BBS4: variants seen among roughly 807,000 people sequenced by gnomAD.
The protein encoded by BBS4 is Bardet-Biedl syndrome 4.
BBS4 carries 58 observed loss-of-function variants against 71.4 expected under a neutral mutation model. The ratio of observed to expected loss-of-function variants is 0.81; its 90% confidence interval spans 0.66 to 1.01. The LOEUF is 1.01. Among genes scored for constraint, BBS4 ranks in the 50% least tolerant of loss-of-function variants. BBS4 has a pLI of 0.00. For missense variants in BBS4, 660 were observed against 607.9 expected (o/e 1.09, Z -0.90); for synonymous variants, 228 against 216.8 (o/e 1.05, Z -0.46).
In BBS4 at chr15:72,734,966, G is replaced by A; in HGVS notation, c.1037-147G>A. 3 of 681,454 alleles carry A rather than the reference G, an allele frequency of 4.4e-6. No homozygotes were observed. In the Admixed American group the frequency reaches 6.2e-5, roughly 14 times the overall value. The allele number at this position is 681,454 out of a possible 1,614,324, so 42.2% of individuals were successfully genotyped here. On this transcript the variant is annotated intron_variant, in intron 12 of 15. Coordinates refer to ENST00000268057, the MANE Select transcript of BBS4 (RefSeq NM_033028.5). ...CAACTGATTGACTGTAGAAGAGATG[G>A]TTGAAGATAGCACCAGGTATCTAAG... is the stretch of plus-strand genomic sequence containing the variant.
chr15:72,731,402 C>T lies in BBS4; in HGVS notation c.809C>T (p.Pro270Leu). ...GTGGCTTGTGCTGTTCCAGAAAGTC[C>T]TCCACTCTGGAATAACATTGGAATG... ...RVVACAVPES[P>L]PLWNNIGMCF... Residue 270 changes from proline to leucine, a missense_variant, in exon 11 of 16, where the codon CCT becomes CTT. Physicochemically the swap from Pro to Leu is moderately conservative, Grantham distance 98. Transcript: ENST00000268057. 6.2e-7 allele frequency: 1 copy of T among 1,614,144 alleles called. No individual in the cohort carries two copies. Among genetic ancestry groups the T allele is most frequent in the South Asian group, 1.1e-5 (1 of 91,080 alleles).
chr15:72,688,263 A>G (rs1026011856), intron 1 of BBS4, among the ~76,000 whole-genome samples: 1 of 152,016 alleles, frequency 6.6e-6, no homozygotes, highest in African/African-American at 2.4e-5. Context: ...TTGTTTCGAT[A>G]TGACTTAGCA....
chr15:72,691,598 T>TAGTAA (rs1450282602), intron 1 of BBS4, among the ~76,000 whole-genome samples: 1 of 152,220 alleles, frequency 6.6e-6, no homozygotes, highest in East Asian at 1.9e-4. Flanking sequence ...TATCTTATTG[T>TAGTAA]AGTAAAGTAT....
chr15:72,737,017 T>C (rs2065939828), intron 15 of BBS4, 54 bp downstream of exon 15: 1 of 1,574,896 alleles, frequency 6.3e-7, no homozygotes, highest in Admixed American at 1.7e-5. Context: ...CACATGTGTC[T>C]GTCAGCAGAG....
At chr15:72,697,837 G>T (rs1449491504) in intron 2 of BBS4, among the ~76,000 whole-genome samples, 1 of 152,134 alleles carries the variant, frequency 6.6e-6, no homozygotes, top group Non-Finnish European at 1.5e-5. Flanking sequence ...GGGATAAACA[G>T]ATTTCTGTTT....
At position 72,737,993 on chromosome 15, in the gene BBS4, C is replaced by T. The variant is rs1182135234; in HGVS notation, c.*406C>T. Reference sequence around the variant, plus strand: ...CTGAGTAGCTCTGTGATGACAAAGCCTTGGTTTAACTGAGGTGATCCTCAG... The same window carrying T: ...CTGAGTAGCTCTGTGATGACAAAGCTTTGGTTTAACTGAGGTGATCCTCAG... On this transcript the variant is annotated 3_prime_UTR_variant, in exon 16 of 16. Coordinates refer to ENST00000268057, the MANE Select transcript of BBS4 (RefSeq NM_033028.5). 8.8e-6 allele frequency: 4 copies of T among 454,236 alleles called. No homozygotes were observed. The highest frequency in any genetic ancestry group is 1.8e-5 in the Non-Finnish European group (4 of 226,984). 28.1% of individuals were successfully genotyped at this position (454,236 alleles called of 1,614,324 possible).
At chr15:72,712,566 A>G (rs1295637724) in intron 4 of BBS4, among the ~76,000 whole-genome samples, 1 of 152,254 alleles carries the variant, frequency 6.6e-6, no homozygotes, top group Non-Finnish European at 1.5e-5. Context: ...ACAAACCTGT[A>G]TGAGCAGGTG....
Position 72,731,546 on chromosome 15 carries a change from C to G in BBS4, c.865-9C>G, listed in dbSNP as rs1413197400. 3 of 1,614,088 alleles carry G rather than the reference C, an allele frequency of 1.9e-6. No homozygotes were observed. The African/African-American group carries it at 4.0e-5, about 22-fold the overall frequency. ...GCCCTTCTCATTGAGTGCCCCTTCT[C>G]TCTCATAGGCCATCAGCTGCCTGAA... On this transcript the variant is annotated splice_polypyrimidine_tract_variant and intron_variant, in intron 11 of 15. Coordinates refer to ENST00000268057, the MANE Select transcript of BBS4 (RefSeq NM_033028.5).
At chr15:72,719,144 G>A (rs561692999) in intron 6 of BBS4, among the ~76,000 whole-genome samples, 5 of 151,990 alleles carry the variant, frequency 3.3e-5, no homozygotes, top group Admixed American at 2.6e-4. Context: ...TCTCTATGGG[G>A]GCCAGGATCA....
chr15:72,728,956 T>C (rs1036260959), intron 9 of BBS4, among the ~76,000 whole-genome samples: 1 of 152,294 alleles, frequency 6.6e-6, no homozygotes, highest in African/African-American at 2.4e-5. Context: ...GGCTTTGGCT[T>C]GGGAGGTTGG....
At chr15:72,725,227 A>G (rs1220727487) in intron 8 of BBS4, among the ~76,000 whole-genome samples, 1 of 151,778 alleles carries the variant, frequency 6.6e-6, no homozygotes, top group Non-Finnish European at 1.5e-5. Flanking sequence ...TGCCCAGCTA[A>G]TTTAAAAAAA....
intron 2 of BBS4, among the ~76,000 whole-genome samples, chr15:72,706,394 C>G (rs1012945295): frequency 2.0e-5 from 3 of 152,102 alleles, no homozygotes; most frequent in African/African-American, 7.2e-5. Context: ...CGTGGACCTC[C>G]CAAAATGCTA....
At chr15:72,704,359 T>A (rs2065226811) in intron 2 of BBS4, 2 of 979,652 alleles carry the variant, frequency 2.0e-6, no homozygotes, top group South Asian at 2.7e-5. Context: ...TTGTGGAGGA[T>A]CTTTCAACTA....
intron 2 of BBS4, among the ~76,000 whole-genome samples, chr15:72,708,064 T>G (rs1466323066): frequency 6.6e-6 from 1 of 152,064 alleles, no homozygotes; most frequent in Non-Finnish European, 1.5e-5. Flanking sequence ...TCTCCCAGGT[T>G]CAAGTGATGC....
At position 72,737,505 on chromosome 15, in the gene BBS4, AG is replaced by A. The variant is rs1455853926; in HGVS notation, c.1479del (p.Lys493AsnfsTer24). 1 of 1,612,982 alleles carries A rather than the reference AG, an allele frequency of 6.2e-7. No homozygotes were observed. Among genetic ancestry groups the A allele is most frequent in the African/African-American group, 1.3e-5 (1 of 74,916 alleles). Reference sequence around the variant, plus strand: ...GCTGGAGGAACATCCCAGTTCACAAAGCCCCCATCTCTTCCTCTGGAGCCAG... The same window carrying A: ...GCTGGAGGAACATCCCAGTTCACAAACCCCCATCTCTTCCTCTGGAGCCAG... ...SGAGGTSQFT[K>X]PPSLPLEPEP... On this transcript the variant is annotated frameshift_variant, in exon 16 of 16. Coordinates refer to ENST00000268057, the MANE Select transcript of BBS4 (RefSeq NM_033028.5). LOFTEE classifies it high-confidence loss of function.
Position 72,702,831 on chromosome 15 carries a change from G to A in BBS4, c.77-6869G>A, listed in dbSNP as rs1397226931. ...TTTTTTTTTTTTTTTTTTTTGAGAC[G>A]GAGTCTCGCTCTGTCGCCCAGGCTG... On this transcript the variant is annotated intron_variant, in intron 2 of 15. Coordinates refer to ENST00000268057, the MANE Select transcript of BBS4 (RefSeq NM_033028.5). Among the ~76,000 whole-genome samples the A allele has an allele frequency of 1.9e-4, 6 of 31,840 alleles. No homozygotes were observed. In the South Asian group the frequency reaches 5.5e-3, roughly 29 times the overall value. The allele number at this position is 31,840 out of a possible 152,430, so 20.9% of individuals were successfully genotyped here. A position where few individuals can be genotyped will look rare whatever the true frequency, so the allele number is the denominator to read the frequency against.
chr15:72,722,415 G>T (rs905853171), intron 6 of BBS4, among the ~76,000 whole-genome samples: 6 of 152,226 alleles, frequency 3.9e-5, no homozygotes, highest in Non-Finnish European at 7.3e-5. Flanking sequence ...GGGCGGAAAT[G>T]TGTGGCTAGC....
intron 8 of BBS4, 147 bp from the exon 9 acceptor site, chr15:72,727,793 A>G (rs1322816243): frequency 7.3e-6 from 5 of 687,920 alleles, no homozygotes; most frequent in Non-Finnish European, 1.3e-5. Context: ...TTTTGATGGC[A>G]ATTCCCAAAT....
At chr15:72,729,247 G>T (rs1472368455) in intron 9 of BBS4, among the ~76,000 whole-genome samples, 4 of 84,988 alleles carry the variant, frequency 4.7e-5, no homozygotes, top group African/African-American at 1.9e-4. Flanking sequence ...TGGCCAGACT[G>T]TTTTTTTTTT....
Sources: allele counts gnomAD v4.1 joint callset (sites outside exome capture counted in the v4.1 genomes callset), GRCh38; gene constraint gnomAD v4.1.1; transcripts MANE v1.5; gene names NCBI Gene and HGNC (gene_info 2026-07-23, HGNC 2026-07-21).